The following FLT3 variants were observed in gnomAD, a reference collection of about 807,000 sequenced individuals.
FLT3 encodes fms related receptor tyrosine kinase 3.
Under a neutral mutation model 126.6 loss-of-function variants are expected in FLT3, and 46 were observed. The observed-to-expected ratio is 0.36, with a 90% CI of 0.29 to 0.46. FLT3 has a LOEUF of 0.46. Ranked by LOEUF, FLT3 falls within the 20% of genes least tolerant of loss-of-function variation. FLT3 has a pLI of 1.00. For missense variants in FLT3, 1,069 were observed against 1,190.3 expected (o/e 0.90, Z 1.50); for synonymous variants, 404 against 434.4 (o/e 0.93, Z 0.87).
rs2137730416 is a variant in FLT3 at position 28,050,077 on chromosome 13, A to G, written c.742+18T>C. 6.2e-7 allele frequency: 1 copy of G among 1,611,344 alleles called. No homozygotes were observed. Among genetic ancestry groups the G allele is most frequent in the Non-Finnish European group, 8.5e-7 (1 of 1,178,506 alleles). On this transcript the variant is annotated intron_variant, in intron 6 of 23. Coordinates refer to ENST00000241453, the MANE Select transcript of FLT3 (RefSeq NM_004119.3). Reference sequence around the variant, plus strand: ...AACCGGTCACTGAAAATGAAAGTGCATGATATTATAGTGTTACCTATTGTG... The same window carrying G: ...AACCGGTCACTGAAAATGAAAGTGCGTGATATTATAGTGTTACCTATTGTG...
At chr13:28,019,148 G>A (rs1266196472) in intron 19 of FLT3, among the ~76,000 whole-genome samples, 2 of 151,976 alleles carry the variant, frequency 1.3e-5, no homozygotes, top group African/African-American at 2.4e-5. Flanking sequence ...TGTGTTTTTA[G>A]TAGAGACGGC....
chr13:28,081,844 C>CTTTTTTTTTTTTT lies in FLT3; in HGVS notation c.44-11245_44-11233dup, dbSNP rs35243277. Among the ~76,000 whole-genome samples the CTTTTTTTTTTTTT allele has an allele frequency of 7.7e-5, 5 of 64,974 alleles. 2 individuals are homozygous for CTTTTTTTTTTTTT. Among genetic ancestry groups the CTTTTTTTTTTTTT allele is most frequent in the African/African-American group, 2.1e-4 (3 of 14,388 alleles). 42.6% of individuals were successfully genotyped at this position (64,974 alleles called of 152,430 possible). ...TTACTTTGATTTTTTTACTTTGATT[C>CTTTTTTTTTTTTT]TTTTTTTTTTTTTTTTTTTTTTTTT... is the stretch of plus-strand genomic sequence containing the variant. On this transcript the variant is annotated intron_variant, in intron 1 of 23. Transcript: ENST00000241453.
chr13:28,015,768 G>A (rs984644890), intron 20 of FLT3, 67 bp from the exon 21 acceptor site: 21 of 933,620 alleles, frequency 2.2e-5, no homozygotes, highest in African/African-American at 3.3e-5. Context: ...CTTTTCTTTT[G>A]TATTAAGATG....
At chr13:28,094,474 G>A (rs1372640836) in intron 1 of FLT3, among the ~76,000 whole-genome samples, 2 of 151,968 alleles carry the variant, frequency 1.3e-5, no homozygotes, top group South Asian at 4.2e-4. Flanking sequence ...AAAGAACACT[G>A]TGTGCACTTT....
intron 1 of FLT3, among the ~76,000 whole-genome samples, chr13:28,075,582 G>C (rs747938758): frequency 6.6e-6 from 1 of 151,760 alleles, no homozygotes; most frequent in Non-Finnish European, 1.5e-5. Flanking sequence ...AAAATTAGCC[G>C]GGTGAAGTGG....
rs549360515 is a variant in FLT3, at chr13:28,046,688, T to C, written c.1205+1587A>G. 3.9e-3 allele frequency among the ~76,000 whole-genome samples: 592 copies of C among 152,204 alleles called. 4 individuals are homozygous for C. The highest frequency in any genetic ancestry group is 0.013 in the African/African-American group (553 of 41,540). On this transcript the variant is annotated intron_variant, in intron 9 of 23. Transcript: ENST00000241453. ...CATGGCTACTGCAGCCTCGACCACC[T>C]GGGCTCAATCAATCCTCCAACCTCA...
Position 28,100,197 on chromosome 13 carries a change from C to A in FLT3, c.43+271G>T, listed in dbSNP as rs1879729232. On this transcript the variant is annotated intron_variant, in intron 1 of 23. Transcript: ENST00000241453. This position sits in a 1 kb window ranked among gnomAD's most constrained non-coding sequence, Gnocchi z 4.8. ...GCCTCGGCGAGGCCGTCTGCGAAGT[C>A]CGGGCCGCCACTCGGGACCGCGGCC... Among the ~76,000 whole-genome samples, 1 of 152,022 alleles carries A rather than the reference C, an allele frequency of 6.6e-6. No individual in the cohort carries two copies. Among genetic ancestry groups the A allele is most frequent in the Non-Finnish European group, 1.5e-5 (1 of 67,968 alleles).
chr13:28,070,473 A>G lies in FLT3; in HGVS notation c.165+18T>C. On this transcript the variant is annotated intron_variant, in intron 2 of 23. Coordinates refer to ENST00000241453, the MANE Select transcript of FLT3 (RefSeq NM_004119.3). The stretch of plus-strand genomic sequence containing the variant: ...CTAGAGAAAAACAGCTAAAGGTATA[A>G]TTTTAATGTTACTTTACCATGGGAT... 3.1e-6 allele frequency: 5 copies of G among 1,602,688 alleles called. No homozygotes were observed. Among genetic ancestry groups the G allele is most frequent in the Non-Finnish European group, 8.5e-7 (1 of 1,173,046 alleles).
intron 19 of FLT3, among the ~76,000 whole-genome samples, chr13:28,022,858 G>A (rs1872515599): frequency 6.6e-6 from 1 of 152,230 alleles, no homozygotes; most frequent in Non-Finnish European, 1.5e-5. Context: ...ACCAACGAAT[G>A]GATCTGGGGT....
intron 23 of FLT3, among the ~76,000 whole-genome samples, chr13:28,004,387 C>A (rs1490182417): frequency 6.6e-6 from 1 of 152,128 alleles, no homozygotes; most frequent in Non-Finnish European, 1.5e-5. Flanking sequence ...TTCACCGTGG[C>A]CTTGATGTTC....
At chr13:28,082,866 G>C (rs1026355694) in intron 1 of FLT3, among the ~76,000 whole-genome samples, 6 of 151,736 alleles carry the variant, frequency 4.0e-5, no homozygotes, top group Non-Finnish European at 8.8e-5. Flanking sequence ...ACCATGCCCA[G>C]CTACTTTTTT....
chr13:28,014,701 T>C, intron 22 of FLT3, 144 bp from the exon 23 acceptor site: 1 of 606,102 alleles, frequency 1.6e-6, no homozygotes, highest in South Asian at 2.2e-5. Flanking sequence ...CTCTACCAGA[T>C]TTTGAATTCA....
At chr13:28,097,933 G>A (rs1879570566) in intron 1 of FLT3, among the ~76,000 whole-genome samples, 1 of 152,138 alleles carries the variant, frequency 6.6e-6, no homozygotes, top group South Asian at 2.1e-4. Context: ...AGTATCAGCA[G>A]ATAATGCAGA....
intron 2 of FLT3, among the ~76,000 whole-genome samples, chr13:28,070,006 T>C (rs943480859): frequency 1.3e-5 from 2 of 152,064 alleles, no homozygotes; most frequent in African/African-American, 2.4e-5. Flanking sequence ...TCCCAGCTAG[T>C]TGGGAGGTTG....
intron 1 of FLT3, among the ~76,000 whole-genome samples, chr13:28,084,956 C>G (rs1878561324): frequency 7.5e-6 from 1 of 133,300 alleles, no homozygotes; most frequent in South Asian, 2.6e-4. Context: ...GCCTGGGCGA[C>G]AGAGCGAGCC....
chr13:28,042,877 G>GAA (rs10713102), intron 9 of FLT3, among the ~76,000 whole-genome samples: 7 of 142,396 alleles, frequency 4.9e-5, no homozygotes, highest in Non-Finnish European at 4.6e-5. Flanking sequence ...CAGAAAATAG[G>GAA]AAAAAAAAAA....
intron 19 of FLT3, among the ~76,000 whole-genome samples, chr13:28,020,012 C>T (rs543469414): frequency 6.6e-6 from 1 of 152,314 alleles, no homozygotes; most frequent in East Asian, 1.9e-4. Context: ...GAGCTTCAGA[C>T]AGGAGAAGTG....
At chr13:28,046,576 T>A (rs1400505201) in intron 9 of FLT3, among the ~76,000 whole-genome samples, 2 of 152,210 alleles carry the variant, frequency 1.3e-5, no homozygotes, top group East Asian at 3.8e-4. Flanking sequence ...ATATAATCAA[T>A]GTAAAAATTG....
At chr13:28,049,566 T>C (rs1265805232) in intron 7 of FLT3, 29 bp from the exon 8 acceptor site, 6 of 1,612,692 alleles carry the variant, frequency 3.7e-6, no homozygotes, top group Non-Finnish European at 5.1e-6. Context: ...GAGTTTGCAT[T>C]TAATGTTTTC....
Sources: allele counts gnomAD v4.1 joint callset (sites outside exome capture counted in the v4.1 genomes callset), GRCh38; gene constraint gnomAD v4.1.1; non-coding constraint Gnocchi (gnomAD v3.1); transcripts MANE v1.5; gene names NCBI Gene and HGNC (gene_info 2026-07-23, HGNC 2026-07-21).